The following CHCHD6 variants were observed in gnomAD, a reference collection of about 807,000 sequenced individuals.
CHCHD6 encodes MICOS complex subunit MIC25.
A neutral mutation model predicts 32.3 loss-of-function variants in CHCHD6; 28 were observed. That is an observed-to-expected ratio of 0.87 (90% CI 0.64 to 1.19). The LOEUF is 1.19. Among genes scored for constraint, CHCHD6 ranks in the 50% most tolerant of loss-of-function variants. The pLI is 0.00. For synonymous variants in CHCHD6, 122 were observed against 117.5 expected, an observed-to-expected ratio of 1.04 and a Z score of -0.25; for missense variants, 333 against 307.0, an observed-to-expected ratio of 1.08 and a Z score of -0.63.
At chr3:126,835,888 A>G (rs147017720) in intron 4 of CHCHD6, among the ~76,000 whole-genome samples, 1 of 152,354 alleles carries the variant, frequency 6.6e-6, no homozygotes, top group East Asian at 1.9e-4. Flanking sequence ...GTTCAGCTAG[A>G]AAATCGCATA....
chr3:126,721,091 A>T (rs1935264380), intron 1 of CHCHD6, among the ~76,000 whole-genome samples: 1 of 152,086 alleles, frequency 6.6e-6, no homozygotes, highest in African/African-American at 2.4e-5. Flanking sequence ...CCTTTTCTTC[A>T]ACTCTGTGCT....
intron 5 of CHCHD6, chr3:126,865,725 G>A: frequency 1.0e-6 from 1 of 985,242 alleles, no homozygotes; most frequent in African/African-American, 1.7e-5. Flanking sequence ...AGTCTACTCT[G>A]CATACTGCTT....
intron 4 of CHCHD6, among the ~76,000 whole-genome samples, chr3:126,841,053 C>T (rs888729818): frequency 1.8e-4 from 27 of 151,816 alleles, no homozygotes; most frequent in Admixed American, 1.4e-3. Flanking sequence ...ACTCCCCTCA[C>T]CCCACAACAG....
At chr3:126,823,433 G>A (rs1294769601) in intron 4 of CHCHD6, among the ~76,000 whole-genome samples, 1 of 152,034 alleles carries the variant, frequency 6.6e-6, no homozygotes, top group Non-Finnish European at 1.5e-5. Flanking sequence ...ATATTTCTCT[G>A]TAGTGATCTT....
intron 4 of CHCHD6, among the ~76,000 whole-genome samples, chr3:126,741,595 C>T (rs894389254): frequency 1.3e-5 from 2 of 152,198 alleles, no homozygotes; most frequent in East Asian, 1.9e-4. Context: ...GACTTCCACA[C>T]CTGGCTGTGC....
Position 126,914,696 on chromosome 3 carries a change from A to C in CHCHD6, c.512A>C (p.Lys171Thr). ...RIERKNAEMY[K>T]LSSEQFHEAA... ...TCCTTGTAGAATGCTGAGATGTATA[A>C]ACTGTCTTCAGAGCAATTCCATGAG... The change falls in exon 6 of 8, where the codon AAA becomes ACA. Residue 171 changes from lysine (K) to threonine (T), a missense_variant. Lys to Thr is a moderately conservative substitution (Grantham distance 78). Coordinates refer to ENST00000290913, the MANE Select transcript of CHCHD6 (RefSeq NM_032343.3). 1 of 1,592,328 alleles carries C rather than the reference A, an allele frequency of 6.3e-7. No individual in the cohort carries two copies. The highest frequency in any genetic ancestry group is 1.3e-5 in the African/African-American group (1 of 74,582).
At chr3:126,795,022 C>T (rs1314666979) in intron 4 of CHCHD6, among the ~76,000 whole-genome samples, 2 of 152,016 alleles carry the variant, frequency 1.3e-5, no homozygotes, top group African/African-American at 2.4e-5. Context: ...AAAATATTCT[C>T]CTAGACATTT....
At chr3:126,705,171 GA>G (rs1934419461) in intron 1 of CHCHD6, among the ~76,000 whole-genome samples, 1 of 152,148 alleles carries the variant, frequency 6.6e-6, no homozygotes, top group South Asian at 2.1e-4. Flanking sequence ...TATCACCAGA[GA>G]ATCCTTCCCT....
intron 4 of CHCHD6, among the ~76,000 whole-genome samples, chr3:126,837,076 G>A (rs1417267938): frequency 1.3e-5 from 2 of 152,154 alleles, no homozygotes; most frequent in Non-Finnish European, 2.9e-5. Context: ...TCATCCTTGT[G>A]CCCTAGAACT....
intron 4 of CHCHD6, among the ~76,000 whole-genome samples, chr3:126,785,876 G>A (rs979216100): frequency 6.6e-6 from 1 of 152,014 alleles, no homozygotes; most frequent in Non-Finnish European, 1.5e-5. Flanking sequence ...TGTGCACAAC[G>A]TGCAGGTTTG....
chr3:126,780,243 T>C (rs889691582), intron 4 of CHCHD6: 1 of 332,692 alleles, frequency 3.0e-6, no homozygotes, highest in African/African-American at 2.2e-5. Flanking sequence ...ACTTGGATAA[T>C]GAAAGTTAGG....
chr3:126,806,492 A>T (rs1247347259), intron 4 of CHCHD6, among the ~76,000 whole-genome samples: 2 of 152,196 alleles, frequency 1.3e-5, no homozygotes, highest in African/African-American at 2.4e-5. Flanking sequence ...TCAAAACCAC[A>T]ATGAGATACC....
intron 4 of CHCHD6, among the ~76,000 whole-genome samples, chr3:126,734,436 A>G (rs1395747611): frequency 2.6e-5 from 4 of 152,222 alleles, no homozygotes; most frequent in Non-Finnish European, 5.9e-5. Context: ...TGAAAGCATC[A>G]TTTGGGATTG....
chr3:126,916,333 G>A (rs1053703793), intron 6 of CHCHD6, among the ~76,000 whole-genome samples: 9 of 151,862 alleles, frequency 5.9e-5, no homozygotes, highest in Admixed American at 1.3e-4. Context: ...CCTGGGAGGC[G>A]GAGGTTGCAG....
At chr3:126,820,200 A>G (rs1940089413) in intron 4 of CHCHD6, among the ~76,000 whole-genome samples, 1 of 152,238 alleles carries the variant, frequency 6.6e-6, no homozygotes, top group Non-Finnish European at 1.5e-5. Context: ...GTGGTTGGTC[A>G]ACATATTCTT....
At chr3:126,797,001 C>G (rs1261276514) in intron 4 of CHCHD6, among the ~76,000 whole-genome samples, 1 of 152,204 alleles carries the variant, frequency 6.6e-6, no homozygotes, top group Non-Finnish European at 1.5e-5. Flanking sequence ...TGTCTTTTGC[C>G]TATTCCTTGC....
chr3:126,911,286 A>C (rs1238640383), intron 5 of CHCHD6, among the ~76,000 whole-genome samples: 3 of 152,186 alleles, frequency 2.0e-5, no homozygotes, highest in Non-Finnish European at 2.9e-5. Context: ...CTCAGTGTGC[A>C]CGTTGGTAGT....
At chr3:126,715,963 G>A (rs1165652248) in intron 1 of CHCHD6, among the ~76,000 whole-genome samples, 1 of 152,126 alleles carries the variant, frequency 6.6e-6, no homozygotes, top group Admixed American at 6.5e-5. Flanking sequence ...CTTCCTTGGC[G>A]TCTTTTGTAA....
intron 5 of CHCHD6, among the ~76,000 whole-genome samples, chr3:126,855,333 C>T (rs1941626677): frequency 6.6e-6 from 1 of 152,186 alleles, no homozygotes; most frequent in African/African-American, 2.4e-5. Context: ...AGCTCGGTTT[C>T]TCCATCTGTA....
Sources: gnomAD v4.1 joint callset for allele counts (sites outside exome capture counted in the v4.1 genomes callset) on GRCh38, gnomAD v4.1.1 for gene constraint, MANE v1.5 for transcripts, NCBI Gene and HGNC (gene_info 2026-07-23, HGNC 2026-07-21) for gene names.